Variants in BICD1 observed in about 807,000 individuals in gnomAD.
The protein encoded by BICD1 is BICD cargo adaptor 1, also known as protein bicaudal D homolog 1.
In BICD1, 35 loss-of-function variants were observed where a neutral mutation model predicts 92.5. That is an observed-to-expected ratio of 0.38 (90% confidence interval 0.29 to 0.50). The LOEUF (loss-of-function observed/expected upper bound fraction) is 0.50, where lower values mean the gene tolerates loss of function less well. Ranked by LOEUF, BICD1 falls within the 20% of genes least tolerant of loss-of-function variation. BICD1 has a pLI of 0.93. For missense variants in BICD1, 950 were observed against 1,189.8 expected, an observed-to-expected ratio of 0.80 and a Z score of 2.97; for synonymous variants, 429 against 465.1, an observed-to-expected ratio of 0.92 and a Z score of 1.00.
intron 1 of BICD1, among the ~76,000 whole-genome samples, chr12:32,192,475 T>TAGAC (rs1555144638): frequency 1.4e-5 from 2 of 147,294 alleles, no homozygotes; most frequent in East Asian, 1.9e-4. Flanking sequence ...GATAGATAGA[T>TAGAC]AGACAAATAA....
chr12:32,187,727 G>A (rs1041272126), intron 1 of BICD1, among the ~76,000 whole-genome samples: 17 of 152,116 alleles, frequency 1.1e-4, no homozygotes, highest in African/African-American at 3.6e-4. Flanking sequence ...AGACACTGGG[G>A]ACTCCAAAAG....
chr12:32,273,671 A>G (rs1419944034), intron 2 of BICD1, among the ~76,000 whole-genome samples: 1 of 152,246 alleles, frequency 6.6e-6, no homozygotes, highest in Middle Eastern at 3.2e-3. Context: ...ATAACATAGT[A>G]GAAATCACTA....
At position 32,337,549 on chromosome 12, in the gene BICD1, C is replaced by G. The variant is rs768053496; in HGVS notation, c.2303C>G (p.Ala768Gly). ...GATGAGATGCAGAGACAGTTAGCAG[C>G]TGCAGAGGATGAGAAGAAGACTCTG... ...QLDEMQRQLA[A>G]AEDEKKTLNT... The change falls in exon 7 of 10, where the codon GCT (alanine) becomes GGT (glycine). Residue 768 changes from alanine (A) to glycine (G), a missense_variant. Ala to Gly is a moderately conservative substitution (Grantham distance 60, BLOSUM62 0). Coordinates refer to ENST00000652176, the MANE Select transcript of BICD1 (RefSeq NM_001714.4). This position sits in a 1 kb window ranked among gnomAD's most constrained non-coding sequence, Gnocchi z 4.7. 6.2e-7 allele frequency: 1 copy of G among 1,614,144 alleles called. No homozygotes were observed. Among genetic ancestry groups the G allele is most frequent in the Non-Finnish European group, 8.5e-7 (1 of 1,179,988 alleles).
intron 8 of BICD1, among the ~76,000 whole-genome samples, chr12:32,351,635 T>TGGC (rs1387458195): frequency 6.6e-6 from 1 of 151,942 alleles, no homozygotes; most frequent in East Asian, 1.9e-4. Flanking sequence ...CCAGGTGTGG[T>TGGC]GGCTTATGTC....
chr12:32,112,456 G>A (rs980958441), intron 1 of BICD1, among the ~76,000 whole-genome samples: 1 of 152,142 alleles, frequency 6.6e-6, no homozygotes, highest in East Asian at 1.9e-4. Context: ...AGAACTTTCT[G>A]CTTGCAAATA....
chr12:32,168,507 GTGAGAACAGT>G (rs1325668558), intron 1 of BICD1, among the ~76,000 whole-genome samples: 2 of 152,188 alleles, frequency 1.3e-5, no homozygotes, highest in Non-Finnish European at 2.9e-5. Context: ...TGAGATTGAG[GTGAGAACAGT>G]TGCCTGAGAA....
intron 9 of BICD1, among the ~76,000 whole-genome samples, chr12:32,376,666 G>T (rs981246222): frequency 6.6e-6 from 1 of 152,028 alleles, no homozygotes; most frequent in South Asian, 2.1e-4. Flanking sequence ...TCAGGAGTTC[G>T]AGACCAGCCT....
chr12:32,257,949 G>A lies in BICD1; in HGVS notation c.427-36045G>A, dbSNP rs141084114. Among the ~76,000 whole-genome samples the A allele has an allele frequency of 2.0e-4, 30 of 152,192 alleles. No homozygotes were observed. In the South Asian group the frequency reaches 3.3e-3, roughly 17 times the overall value. ...TTTTTCCATTCTGTTGTCATTTGACGTTTCAGTTTCAGATAGTTAGCTATT... is the reference window on the plus strand; with the variant it reads ...TTTTTCCATTCTGTTGTCATTTGACATTTCAGTTTCAGATAGTTAGCTATT... On this transcript the variant is annotated intron_variant, in intron 2 of 9. Coordinates refer to ENST00000652176, the MANE Select transcript of BICD1 (RefSeq NM_001714.4).
intron 1 of BICD1, among the ~76,000 whole-genome samples, chr12:32,138,296 CTCAG>C (rs1303289276): frequency 1.3e-5 from 2 of 152,258 alleles, no homozygotes; most frequent in Non-Finnish European, 2.9e-5. Flanking sequence ...GAACCAAAAT[CTCAG>C]TCAGGCAGTG....
intron 9 of BICD1, among the ~76,000 whole-genome samples, chr12:32,375,498 C>T (rs1939919493): frequency 6.6e-6 from 1 of 152,132 alleles, no homozygotes. Flanking sequence ...CCACTGCACT[C>T]CTGCCTGGGC....
intron 3 of BICD1, among the ~76,000 whole-genome samples, chr12:32,299,597 C>T (rs1454568062): frequency 1.3e-5 from 2 of 152,068 alleles, no homozygotes; most frequent in Non-Finnish European, 2.9e-5. Context: ...GGCACGGTGG[C>T]TCACACCTGT....
intron 2 of BICD1, among the ~76,000 whole-genome samples, chr12:32,278,798 G>C (rs1947341241): frequency 6.6e-6 from 1 of 152,222 alleles, no homozygotes; most frequent in Admixed American, 6.5e-5. Context: ...GGAGCTTGCA[G>C]TGAGCCGAGA....
Position 32,328,533 on chromosome 12 carries a change from C to A in BICD1, c.2078C>A (p.Ala693Glu). 6.2e-7 allele frequency: 1 copy of A among 1,612,010 alleles called. No homozygotes were observed. The highest frequency in any genetic ancestry group is 1.1e-5 in the South Asian group (1 of 90,932). Reference protein sequence around the residue: ...TKREQIATLRAVLKANKQTAE... With the variant: ...TKREQIATLREVLKANKQTAE... ...CGGGAGCAGATCGCCACATTGAGGGCGGTGTTGAAAGCCAACAAGCAGGTA... is the reference window on the plus strand; with the variant it reads ...CGGGAGCAGATCGCCACATTGAGGGAGGTGTTGAAAGCCAACAAGCAGGTA... Residue 693 changes from alanine to glutamate, a missense_variant, in exon 5 of 10, where the codon GCG (alanine) becomes GAG (glutamate). Coordinates refer to ENST00000652176, the MANE Select transcript of BICD1 (RefSeq NM_001714.4). The surrounding 1 kb of genome is among the most constrained non-coding windows in gnomAD (Gnocchi z 4.4).
chr12:32,163,337 T>C (rs949450681), intron 1 of BICD1, among the ~76,000 whole-genome samples: 1 of 152,174 alleles, frequency 6.6e-6, no homozygotes, highest in Non-Finnish European at 1.5e-5. Context: ...TTGAATGATA[T>C]AAATTCTTAT....
At chr12:32,220,663 A>G (rs1945489757) in intron 2 of BICD1, among the ~76,000 whole-genome samples, 1 of 149,776 alleles carries the variant, frequency 6.7e-6, no homozygotes, top group East Asian at 2.0e-4. Flanking sequence ...AAACTAGTTC[A>G]ACCCTTGTGG....
intron 9 of BICD1, among the ~76,000 whole-genome samples, chr12:32,373,703 T>C (rs1322673142): frequency 7.4e-6 from 1 of 134,828 alleles, no homozygotes; most frequent in Non-Finnish European, 1.6e-5. Context: ...AAACCCCGTC[T>C]CTACTAAAAA....
chr12:32,279,259 C>T (rs1052023918), intron 2 of BICD1, among the ~76,000 whole-genome samples: 3 of 152,156 alleles, frequency 2.0e-5, no homozygotes, highest in Non-Finnish European at 2.9e-5. Flanking sequence ...CTAAAAGATA[C>T]AGAATTTATT....
intron 8 of BICD1, among the ~76,000 whole-genome samples, chr12:32,362,706 G>A (rs986851188): frequency 1.3e-5 from 2 of 152,132 alleles, no homozygotes; most frequent in African/African-American, 4.8e-5. Context: ...GCATTAAAAA[G>A]ACTAAATTTA....
chr12:32,259,070 C>A (rs1946789246), intron 2 of BICD1, among the ~76,000 whole-genome samples: 1 of 152,154 alleles, frequency 6.6e-6, no homozygotes, highest in Admixed American at 6.5e-5. Context: ...CCAGGGAGCC[C>A]TCAAGTGGCC....
Sources: allele counts gnomAD v4.1 joint callset (sites outside exome capture counted in the v4.1 genomes callset), GRCh38; gene constraint gnomAD v4.1.1; non-coding constraint Gnocchi (gnomAD v3.1); transcripts MANE v1.5; gene names NCBI Gene and HGNC (gene_info 2026-07-23, HGNC 2026-07-21).